Variants in CAMK2D observed in about 807,000 individuals in gnomAD.
The protein encoded by CAMK2D is calcium/calmodulin-dependent protein kinase type II subunit delta.
CAMK2D carries 37 observed loss-of-function variants against 84.0 expected under a neutral mutation model. That is an observed-to-expected ratio of 0.44 (90% CI 0.34 to 0.58). The LOEUF (loss-of-function observed/expected upper bound fraction) is 0.58, where lower values mean the gene tolerates loss of function less well. CAMK2D is among the 20% of genes least tolerant of loss of function. The probability of loss-of-function intolerance (pLI) is 0.02; values close to 1 mark genes in which losing one functional copy is unlikely to be tolerated. For missense variants in CAMK2D, 448 were observed against 652.5 expected, an observed-to-expected ratio of 0.69 and a Z score of 3.41; for synonymous variants, 202 against 212.5, an observed-to-expected ratio of 0.95 and a Z score of 0.43.
intron 16 of CAMK2D, among the ~76,000 whole-genome samples, chr4:113,489,947 G>C (rs2097810118): frequency 6.6e-6 from 1 of 150,756 alleles, no homozygotes; most frequent in African/African-American, 2.5e-5. Context: ...CTTCTTTTGA[G>C]AAGTGTCTGT....
intron 2 of CAMK2D, among the ~76,000 whole-genome samples, chr4:113,672,679 G>T (rs919181620): frequency 2.0e-5 from 3 of 151,282 alleles, no homozygotes; most frequent in South Asian, 2.1e-4. Flanking sequence ...TCTATTAATT[G>T]AATTAATTTA....
intron 4 of CAMK2D, among the ~76,000 whole-genome samples, chr4:113,579,586 T>C (rs1206190218): frequency 6.6e-6 from 1 of 152,120 alleles, no homozygotes; most frequent in African/African-American, 2.4e-5. Context: ...TCTTGCTCCC[T>C]CTCTTGCCAT....
At chr4:113,724,993 G>T (rs1041453207) in intron 2 of CAMK2D, among the ~76,000 whole-genome samples, 2 of 151,266 alleles carry the variant, frequency 1.3e-5, no homozygotes, top group African/African-American at 2.4e-5. Flanking sequence ...ACTTTATCTC[G>T]CATTTAGCTA....
At chr4:113,470,479 A>C (rs2097534066) in intron 16 of CAMK2D, among the ~76,000 whole-genome samples, 1 of 152,132 alleles carries the variant, frequency 6.6e-6, no homozygotes. Flanking sequence ...CTCTGCTAAA[A>C]GTACAAACCT....
At chr4:113,683,540 G>A (rs2099351699) in intron 2 of CAMK2D, among the ~76,000 whole-genome samples, 1 of 152,124 alleles carries the variant, frequency 6.6e-6, no homozygotes, top group South Asian at 2.1e-4. Context: ...ACAGATGAGA[G>A]AAAATACAAT....
intron 2 of CAMK2D, among the ~76,000 whole-genome samples, chr4:113,684,252 T>C (rs1284447754): frequency 1.3e-5 from 2 of 152,210 alleles, no homozygotes; most frequent in Non-Finnish European, 2.9e-5. Flanking sequence ...GTGAGTACAT[T>C]TCTTTGTAGA....
intron 16 of CAMK2D, among the ~76,000 whole-genome samples, chr4:113,483,542 A>G (rs982499356): frequency 8.6e-5 from 13 of 151,686 alleles, no homozygotes; most frequent in Admixed American, 8.5e-4. Flanking sequence ...AGTAGCTGGG[A>G]TTACAAGCAT....
rs184118774 is a variant in CAMK2D, at chr4:113,601,891, C to G, written c.275+7261G>C. 9.9e-4 allele frequency among the ~76,000 whole-genome samples: 150 copies of G among 151,656 alleles called. 2 individuals carry two copies. The highest frequency in any genetic ancestry group is 3.3e-3 in the African/African-American group (136 of 41,376). ...TAAAACTTTTTTGTAGACAAAGAGT[C>G]TTGCTATGTTGCCCAGGCTGGTCTC... On this transcript the variant is annotated intron_variant, in intron 4 of 20. Transcript: ENST00000511664.
At chr4:113,521,836 T>C (rs1203247658) in intron 8 of CAMK2D, among the ~76,000 whole-genome samples, 2 of 152,172 alleles carry the variant, frequency 1.3e-5, no homozygotes, top group African/African-American at 4.8e-5. Flanking sequence ...TAAGATAATA[T>C]TGGAGTGGGA....
chr4:113,746,977 AAT>A (rs148764047), intron 2 of CAMK2D, among the ~76,000 whole-genome samples: 46 of 145,452 alleles, frequency 3.2e-4, no homozygotes, highest in Admixed American at 3.4e-4. Flanking sequence ...TACCATTAAT[AAT>A]ATATATATAT....
intron 20 of CAMK2D, 56 bp downstream of exon 20, chr4:113,455,670 T>C (rs1295665514): frequency 2.1e-6 from 2 of 957,182 alleles, no homozygotes; most frequent in Non-Finnish European, 1.7e-6. Context: ...AAAACAGCCA[T>C]GCAGCTTTTC....
At position 113,688,313 on chromosome 4, in the gene CAMK2D, T is replaced by C. The variant is rs1471938663; in HGVS notation, c.161-26541A>G. 2.0e-5 allele frequency among the ~76,000 whole-genome samples: 3 copies of C among 152,230 alleles called. No homozygotes were observed. The East Asian group carries it at 5.8e-4, about 29-fold the overall frequency. On this transcript the variant is annotated intron_variant, in intron 2 of 20. Transcript: ENST00000511664. ...CTCATTCAAAAGGTCTTAGAAGCTTTAGTGGGAGGGAAGGTGCATTCACCT... is the reference window on the plus strand; with the variant it reads ...CTCATTCAAAAGGTCTTAGAAGCTTCAGTGGGAGGGAAGGTGCATTCACCT...
At chr4:113,706,563 T>C (rs928438151) in intron 2 of CAMK2D, among the ~76,000 whole-genome samples, 11 of 152,152 alleles carry the variant, frequency 7.2e-5, no homozygotes, top group African/African-American at 2.7e-4. Context: ...GAAAAGGAAA[T>C]GTGGCTCACT....
At chr4:113,738,500 T>C (rs902019572) in intron 2 of CAMK2D, among the ~76,000 whole-genome samples, 8 of 152,078 alleles carry the variant, frequency 5.3e-5, no homozygotes, top group Admixed American at 1.3e-4. Flanking sequence ...TAAATGAAAA[T>C]AGGATATTGC....
At chr4:113,714,224 T>C (rs901743056) in intron 2 of CAMK2D, among the ~76,000 whole-genome samples, 1 of 152,038 alleles carries the variant, frequency 6.6e-6, no homozygotes, top group South Asian at 2.1e-4. Flanking sequence ...CATATGTGGA[T>C]CCATTTTCAG....
intron 3 of CAMK2D, among the ~76,000 whole-genome samples, chr4:113,621,435 T>C (rs867032943): frequency 6.6e-6 from 1 of 152,174 alleles, no homozygotes; most frequent in African/African-American, 2.4e-5. Flanking sequence ...GCAAACTATT[T>C]TGTCAAACTG....
At chr4:113,599,059 G>A (rs2154258286) in intron 4 of CAMK2D, among the ~76,000 whole-genome samples, 1 of 152,258 alleles carries the variant, frequency 6.6e-6, no homozygotes, top group East Asian at 1.9e-4. Flanking sequence ...CATATGAGAT[G>A]ATGTTAATCA....
chr4:113,616,045 A>G (rs867268648), intron 3 of CAMK2D, among the ~76,000 whole-genome samples: 1 of 152,172 alleles, frequency 6.6e-6, no homozygotes, highest in African/African-American at 2.4e-5. Context: ...ATTAATTTCT[A>G]TATCAGAAAT....
At chr4:113,581,652 T>C (rs978568718) in intron 4 of CAMK2D, among the ~76,000 whole-genome samples, 1 of 151,932 alleles carries the variant, frequency 6.6e-6, no homozygotes, top group African/African-American at 2.4e-5. Context: ...CTCACAGAAA[T>C]AACCCAGACT....
Sources: gnomAD v4.1 joint callset for allele counts (sites outside exome capture counted in the v4.1 genomes callset) on GRCh38, gnomAD v4.1.1 for gene constraint, MANE v1.5 for transcripts, NCBI Gene and HGNC (gene_info 2026-07-23, HGNC 2026-07-21) for gene names.